Variants in PDE8A observed in about 807,000 individuals in gnomAD.
PDE8A encodes high affinity cAMP-specific and IBMX-insensitive 3',5'-cyclic phosphodiesterase 8A.
Under a neutral mutation model 105.0 loss-of-function variants are expected in PDE8A, and 59 were observed. That is an observed-to-expected ratio of 0.56 (90% confidence interval 0.46 to 0.70). The LOEUF is 0.70. Among genes scored for constraint, PDE8A ranks in the 30% least tolerant of loss-of-function variants. The pLI is 0.00. For synonymous variants in PDE8A, 355 were observed against 371.9 expected, an observed-to-expected ratio of 0.95 and a Z score of 0.52; for missense variants, 1,014 against 1,045.9, an observed-to-expected ratio of 0.97 and a Z score of 0.42.
At chr15:85,056,192 G>C (rs569242032) in intron 1 of PDE8A, among the ~76,000 whole-genome samples, 1 of 152,294 alleles carries the variant, frequency 6.6e-6, no homozygotes, top group East Asian at 1.9e-4. Flanking sequence ...TTAGTCTGAT[G>C]GGCTTCCCTT....
chr15:85,138,611 A>G lies in PDE8A; in HGVS notation c.*708A>G, dbSNP rs1045989088. ...AATAAAATGACACTTTTACTGCACT[A>G]TAGAAATATTCATGTATGTTAAACT... On this transcript the variant is annotated 3_prime_UTR_variant, in exon 22 of 22. Coordinates refer to ENST00000394553, the MANE Select transcript of PDE8A (RefSeq NM_002605.3). The G allele has an allele frequency of 7.2e-5, 11 of 152,606 alleles. No homozygotes were observed. The highest frequency in any genetic ancestry group is 1.6e-4 in the Non-Finnish European group (11 of 68,038). 9.5% of individuals were successfully genotyped at this position (152,606 alleles called of 1,614,324 possible). A position where few individuals can be genotyped will look rare whatever the true frequency, so the allele number is the denominator to read the frequency against.
At chr15:85,110,235 A>G (rs2082002082) in intron 12 of PDE8A, among the ~76,000 whole-genome samples, 1 of 152,188 alleles carries the variant, frequency 6.6e-6, no homozygotes, top group Non-Finnish European at 1.5e-5. Flanking sequence ...CCTGCCCAGA[A>G]CAGTCTTCAC....
intron 1 of PDE8A, among the ~76,000 whole-genome samples, chr15:85,037,094 T>C (rs2080720084): frequency 6.6e-6 from 1 of 151,746 alleles, no homozygotes; most frequent in Non-Finnish European, 1.5e-5. Flanking sequence ...AGACGGAGTT[T>C]CTCTCTTGTC....
Position 85,097,678 on chromosome 15 carries a change from G to T in PDE8A, c.853-270G>T, listed in dbSNP as rs150020769. On this transcript the variant is annotated intron_variant, in intron 8 of 21. Transcript: ENST00000394553. ...AGTAAGGGGGAGTGCCCTTTATTTGGGGGTCCAGGACCCCTCTTGTCTGCA... is the reference window on the plus strand; with the variant it reads ...AGTAAGGGGGAGTGCCCTTTATTTGTGGGTCCAGGACCCCTCTTGTCTGCA... 1.0e-3 allele frequency: 334 copies of T among 328,448 alleles called. 4 individuals are homozygous for T. The East Asian group carries it at 0.023, about 23-fold the overall frequency. 20.3% of individuals were successfully genotyped at this position (328,448 alleles called of 1,614,324 possible).
chr15:85,056,081 T>C (rs28887294), intron 1 of PDE8A, among the ~76,000 whole-genome samples: 51,170 of 150,816 alleles, frequency 0.34, 9,288 homozygotes, highest in African/African-American at 0.48. Context: ...TTAGTTTGGC[T>C]GGATATGAAA....
At chr15:85,038,216 GGTGTGTGTGTGTGTGTGT>G (rs773765859) in intron 1 of PDE8A, among the ~76,000 whole-genome samples, 1 of 48,292 alleles carries the variant, frequency 2.1e-5, no homozygotes, top group Non-Finnish European at 4.4e-5. Flanking sequence ...CCAATTGGGG[GGTGTGTGTGTGTGTGTGT>G]GTGTGTGTGT....
chr15:85,002,665 C>G (rs1313894139), intron 1 of PDE8A, among the ~76,000 whole-genome samples: 1 of 152,188 alleles, frequency 6.6e-6, no homozygotes, highest in Non-Finnish European at 1.5e-5. Context: ...CTCATCTTTC[C>G]TGGGGGAGGT....
At chr15:85,114,338 C>A (rs1486095800) in intron 14 of PDE8A, among the ~76,000 whole-genome samples, 1 of 152,176 alleles carries the variant, frequency 6.6e-6, no homozygotes, top group African/African-American at 2.4e-5. Context: ...CTAAATAAAG[C>A]TTGTTTAGTT....
chr15:84,984,391 T>C (rs2079768514), intron 1 of PDE8A, among the ~76,000 whole-genome samples: 1 of 152,264 alleles, frequency 6.6e-6, no homozygotes, highest in Admixed American at 6.5e-5. Context: ...TTAACTATGC[T>C]CTGGAAATTC....
intron 1 of PDE8A, among the ~76,000 whole-genome samples, chr15:85,003,578 A>G (rs1476570139): frequency 6.6e-6 from 1 of 152,220 alleles, no homozygotes; most frequent in African/African-American, 2.4e-5. Context: ...ACGCTTTTTC[A>G]GCATAAGAAT....
At chr15:85,007,846 CAG>C (rs1292679130) in intron 1 of PDE8A, among the ~76,000 whole-genome samples, 1 of 152,052 alleles carries the variant, frequency 6.6e-6, no homozygotes, top group Non-Finnish European at 1.5e-5. Flanking sequence ...AATTTGTGGT[CAG>C]AGAGAGCTCT....
chr15:85,117,634 T>A lies in PDE8A; in HGVS notation c.1536-7T>A, dbSNP rs2082116700. 1 of 1,612,930 alleles carries A rather than the reference T, an allele frequency of 6.2e-7. No individual in the cohort carries two copies. The highest frequency in any genetic ancestry group is 8.5e-7 in the Non-Finnish European group (1 of 1,178,944). ...TTCTAATATTGTGGGGTTTTTTCTG[T>A]CTATAGGCCTTTGATTTATCTTGGT... On this transcript the variant is annotated splice_region_variant and splice_polypyrimidine_tract_variant and intron_variant, in intron 16 of 21. Coordinates refer to ENST00000394553, the MANE Select transcript of PDE8A (RefSeq NM_002605.3).
chr15:84,983,618 T>G (rs1344242132), intron 1 of PDE8A, among the ~76,000 whole-genome samples: 3 of 152,244 alleles, frequency 2.0e-5, no homozygotes, highest in Admixed American at 6.5e-5. Context: ...CTCTGATGGT[T>G]TAGGCTTACT....
At chr15:84,984,281 G>A (rs182695862) in intron 1 of PDE8A, among the ~76,000 whole-genome samples, 198 of 152,198 alleles carry the variant, frequency 1.3e-3, no homozygotes, top group African/African-American at 4.6e-3. Flanking sequence ...ACAGTTATTT[G>A]CATTTAGGCA....
intron 1 of PDE8A, among the ~76,000 whole-genome samples, chr15:85,040,027 T>C (rs981024699): frequency 6.6e-6 from 1 of 152,156 alleles, no homozygotes; most frequent in African/African-American, 2.4e-5. Context: ...TGGTTCATTG[T>C]ATAGCAAGGA....
chr15:85,100,599 T>A (rs1371717727), intron 11 of PDE8A, among the ~76,000 whole-genome samples: 1 of 152,246 alleles, frequency 6.6e-6, no homozygotes, highest in East Asian at 1.9e-4. Context: ...CCCCTCGCAC[T>A]TGCCTCACCT....
chr15:85,129,761 C>T (rs1208863091), intron 20 of PDE8A, among the ~76,000 whole-genome samples: 2 of 152,106 alleles, frequency 1.3e-5, no homozygotes, highest in Non-Finnish European at 2.9e-5. Context: ...TCTGTAGCTC[C>T]ATAACATGTT....
intron 21 of PDE8A, among the ~76,000 whole-genome samples, chr15:85,137,175 A>G (rs923049517): frequency 3.9e-5 from 6 of 152,196 alleles, no homozygotes; most frequent in African/African-American, 7.2e-5. Flanking sequence ...GAGGGGCTAC[A>G]GGGCTGATAA....
chr15:84,989,140 T>C (rs188831576), intron 1 of PDE8A, among the ~76,000 whole-genome samples: 21 of 152,330 alleles, frequency 1.4e-4, no homozygotes, highest in Admixed American at 4.6e-4. Flanking sequence ...CTGCTCTGTG[T>C]GGTAAAGAGT....
Sources: allele counts gnomAD v4.1 joint callset (sites outside exome capture counted in the v4.1 genomes callset), GRCh38; gene constraint gnomAD v4.1.1; transcripts MANE v1.5; gene names NCBI Gene and HGNC (gene_info 2026-07-23, HGNC 2026-07-21).